Variants in KCNK4 observed in about 807,000 individuals in gnomAD.
KCNK4 encodes the protein potassium channel subfamily K member 4.
KCNK4 carries 22 observed loss-of-function variants against 28.8 expected under a neutral mutation model. That is an observed-to-expected ratio of 0.76 (90% CI 0.55 to 1.09). KCNK4 has a LOEUF of 1.09. KCNK4 is among the 50% of genes least tolerant of loss of function. KCNK4 has a pLI of 0.00. For missense variants in KCNK4, 483 were observed against 546.3 expected (o/e 0.88, Z 1.15); for synonymous variants, 263 against 252.9 (o/e 1.04, Z -0.38).
At chr11:64,292,397 C>T (rs1439414930) in intron 1 of KCNK4, among the ~76,000 whole-genome samples, 1 of 152,098 alleles carries the variant, frequency 6.6e-6, no homozygotes, top group Non-Finnish European at 1.5e-5. Flanking sequence ...GAAAGCCCGG[C>T]GGGGCGCGGG....
rs115208770 is a variant in KCNK4, at chr11:64,295,004, G to A, written c.189+1797G>A. Among the ~76,000 whole-genome samples, 653 of 152,310 alleles carry A rather than the reference G, an allele frequency of 4.3e-3. 7 individuals are homozygous for A. Among genetic ancestry groups the A allele is most frequent in the African/African-American group, 0.015 (626 of 41,556 alleles). ...AAAAGGAGAGGCAGGACCTAGAAGG[G>A]TGGGTGACAGCCGCTTTATTTCTCT... On this transcript the variant is annotated intron_variant, in intron 2 of 6. Coordinates refer to ENST00000422670, the MANE Select transcript of KCNK4 (RefSeq NM_033310.3).
Position 64,293,211 on chromosome 11 carries a change from C to A in KCNK4, c.189+4C>A. Reference sequence around the variant, plus strand: ...GGAGCTGGGCCTCCTCATCAAGGTGCGTGGGTGGGCCGCAGCCCCTTCAGC... The same window carrying A: ...GGAGCTGGGCCTCCTCATCAAGGTGAGTGGGTGGGCCGCAGCCCCTTCAGC... On this transcript the variant is annotated splice_donor_region_variant and intron_variant, in intron 2 of 6. Coordinates refer to ENST00000422670, the MANE Select transcript of KCNK4 (RefSeq NM_033310.3). The A allele has an allele frequency of 1.4e-6, 2 of 1,448,982 alleles. No individual in the cohort carries two copies. The highest frequency in any genetic ancestry group is 1.8e-6 in the Non-Finnish European group (2 of 1,093,980). The allele number at this position is 1,448,982 out of a possible 1,614,324, so 89.8% of individuals were successfully genotyped here. A position where few individuals can be genotyped will look rare whatever the true frequency, so the allele number is the denominator to read the frequency against.
chr11:64,294,509 C>A (rs895141336), intron 2 of KCNK4, among the ~76,000 whole-genome samples: 1 of 63,028 alleles, frequency 1.6e-5, no homozygotes, highest in African/African-American at 6.5e-5. Flanking sequence ...CCTGGATGAT[C>A]GGTCTCAAAA....
intron 2 of KCNK4, among the ~76,000 whole-genome samples, chr11:64,293,427 G>A (rs1455201047): frequency 1.3e-5 from 2 of 152,118 alleles, no homozygotes; most frequent in Non-Finnish European, 2.9e-5. Context: ...ACAGGACTGT[G>A]CACCTATAAT....
rs1184899720 is a variant in KCNK4, at chr11:64,299,904, C to T, written c.*178C>T. ...TCCCTCACTTCCATCCATCTCTAGA[C>T]CCCCCCAAGGCTTTCTGTGTCGCTG... On this transcript the variant is annotated 3_prime_UTR_variant, in exon 7 of 7. Transcript: ENST00000422670. 2 of 1,245,616 alleles carry T rather than the reference C, an allele frequency of 1.6e-6. No individual in the cohort carries two copies. Among genetic ancestry groups the T allele is most frequent in the Non-Finnish European group, 1.1e-6 (1 of 895,332 alleles). 77.2% of individuals were successfully genotyped at this position (1,245,616 alleles called of 1,614,324 possible).
chr11:64,292,016 G>T, intron 1 of KCNK4: 1 of 1,185,354 alleles, frequency 8.4e-7, no homozygotes, highest in South Asian at 1.5e-5. Context: ...GCGTGTGCAC[G>T]CTAGTGTCCA....
intron 4 of KCNK4, 46 bp downstream of exon 4, chr11:64,297,325 AC>A: frequency 6.3e-7 from 1 of 1,585,272 alleles, no homozygotes; most frequent in South Asian, 1.2e-5. Context: ...GGCTCCGGCT[AC>A]CCTTCCCCAT....
rs1459282280 is a variant in KCNK4, at chr11:64,299,647, G to T, written c.1103G>T (p.Arg368Leu). 6.2e-7 allele frequency: 1 copy of T among 1,606,496 alleles called. No individual in the cohort carries two copies. The highest frequency in any genetic ancestry group is 1.1e-5 in the South Asian group (1 of 90,708). ...CCGCTGCCCCGCGCGCCGAGAGGTC[G>T]CCGCCGCCCAAATCCCCCCAGGAAG... is the stretch of plus-strand genomic sequence containing the variant. ...GCPLPRAPRGRRRPNPPRKPV... is the reference protein window; with the variant it reads ...GCPLPRAPRGLRRPNPPRKPV... Residue 368 changes from arginine to leucine, a missense_variant, in exon 7 of 7, where the codon CGC becomes CTC. Arg to Leu is a moderately radical substitution (Grantham distance 102). Transcript: ENST00000422670.
At chr11:64,297,414 G>A in intron 4 of KCNK4, 53 bp from the exon 5 acceptor site, 3 of 1,601,650 alleles carry the variant, frequency 1.9e-6, no homozygotes, top group Non-Finnish European at 2.6e-6. Flanking sequence ...GGGGAGTATG[G>A]GAGTGGGGAT....
rs757990922 is a variant in KCNK4, at chr11:64,299,778, G to A, written c.*52G>A. 58 of 1,537,276 alleles carry A rather than the reference G, an allele frequency of 3.8e-5. No homozygotes were observed. The highest frequency in any genetic ancestry group is 2.0e-5 in the Admixed American group (1 of 51,012). Reference sequence around the variant, plus strand: ...AAGGGCTTCGTTTCTGCTCTCCCCGGCATGCCTGGCTTGTTTGACCAAAGA... The same window carrying A: ...AAGGGCTTCGTTTCTGCTCTCCCCGACATGCCTGGCTTGTTTGACCAAAGA... On this transcript the variant is annotated 3_prime_UTR_variant, in exon 7 of 7. Coordinates refer to ENST00000422670, the MANE Select transcript of KCNK4 (RefSeq NM_033310.3).
chr11:64,293,342 C>T (rs1328167542), intron 2 of KCNK4, 135 bp downstream of exon 2: 1 of 994,864 alleles, frequency 1.0e-6, no homozygotes, highest in Non-Finnish European at 1.4e-6. Flanking sequence ...GGCTGTGGGA[C>T]AGAGGCTGGG....
chr11:64,297,068 C>T (rs755913196), intron 3 of KCNK4, 51 bp from the exon 4 acceptor site: 17 of 1,610,156 alleles, frequency 1.1e-5, no homozygotes, highest in African/African-American at 4.0e-5. Flanking sequence ...TGCAGGGAGA[C>T]GGAGGGGTCC....
rs539853756 is a variant in KCNK4 at position 64,299,912 on chromosome 11, A to G, written c.*186A>G. ...TTCCATCCATCTCTAGACCCCCCCA[A>G]GGCTTTCTGTGTCGCTGCCCCGGGC... On this transcript the variant is annotated 3_prime_UTR_variant, in exon 7 of 7. Coordinates refer to ENST00000422670, the MANE Select transcript of KCNK4 (RefSeq NM_033310.3). 7 of 1,108,306 alleles carry G rather than the reference A, an allele frequency of 6.3e-6. No homozygotes were observed. The highest frequency in any genetic ancestry group is 4.8e-5 in the Admixed American group (2 of 41,250). The allele number at this position is 1,108,306 out of a possible 1,614,324, so 68.7% of individuals were successfully genotyped here. A position where few individuals can be genotyped will look rare whatever the true frequency, so the allele number is the denominator to read the frequency against.
chr11:64,299,202 C>T, intron 6 of KCNK4, 144 bp from the exon 7 acceptor site: 1 of 734,706 alleles, frequency 1.4e-6, no homozygotes, highest in Non-Finnish European at 2.1e-6. Flanking sequence ...AGGAGCCCTT[C>T]CATCCTTGGG....
rs1413582586 is a variant in KCNK4, at chr11:64,292,800, ACT to A, written c.-77-141_-77-140del. 3.5e-6 allele frequency: 3 copies of A among 857,244 alleles called. No homozygotes were observed. In the African/African-American group the frequency reaches 5.3e-5, roughly 15 times the overall value. 53.1% of individuals were successfully genotyped at this position (857,244 alleles called of 1,614,324 possible). On this transcript the variant is annotated intron_variant, in intron 1 of 6. Transcript: ENST00000422670. The stretch of plus-strand genomic sequence containing the variant: ...GGGGAAGGCTGGAGATAGGAGGGGG[ACT>A]GGGTGTGTCCAGCCAGAGGGATGTC...
At chr11:64,297,800 C>T (rs1418428987) in intron 5 of KCNK4, 147 bp downstream of exon 5, 3 of 828,886 alleles carry the variant, frequency 3.6e-6, no homozygotes, top group East Asian at 2.7e-5. Context: ...CTTGCACACA[C>T]ACCAGCGCCT....
chr11:64,292,800 A>C, intron 1 of KCNK4, 142 bp from the exon 2 acceptor site: 3 of 857,362 alleles, frequency 3.5e-6, no homozygotes, highest in Non-Finnish European at 4.7e-6. Context: ...TAGGAGGGGG[A>C]CTGGGTGTGT....
At chr11:64,297,997 A>G in intron 5 of KCNK4, 113 bp from the exon 6 acceptor site, 1 of 1,242,656 alleles carries the variant, frequency 8.0e-7, no homozygotes, top group Non-Finnish European at 1.1e-6. Context: ...GCACATACCC[A>G]TTGCCCTAGG....
At chr11:64,293,660 G>A (rs1202911524) in intron 2 of KCNK4, among the ~76,000 whole-genome samples, 1 of 152,098 alleles carries the variant, frequency 6.6e-6, no homozygotes, top group Non-Finnish European at 1.5e-5. Flanking sequence ...GAGTGCAGTG[G>A]TGTGATCTCA....
Sources: gnomAD v4.1 joint callset for allele counts (sites outside exome capture counted in the v4.1 genomes callset) on GRCh38, gnomAD v4.1.1 for gene constraint, MANE v1.5 for transcripts, NCBI Gene and HGNC (gene_info 2026-07-23, HGNC 2026-07-21) for gene names.